SEC63: variants seen among roughly 807,000 people sequenced by gnomAD.
SEC63 encodes the protein translocation protein SEC63 homolog.
Under a neutral mutation model 116.2 loss-of-function variants are expected in SEC63, and 56 were observed. That is an observed-to-expected ratio of 0.48 (90% CI 0.39 to 0.60). The LOEUF is 0.60. Among genes scored for constraint, SEC63 ranks in the 20% least tolerant of loss-of-function variants. The pLI is 0.00. For missense variants in SEC63, 668 were observed against 900.0 expected (o/e 0.74, Z 3.30); for synonymous variants, 273 against 294.6 (o/e 0.93, Z 0.75).
intron 1 of SEC63, among the ~76,000 whole-genome samples, chr6:107,934,914 A>C (rs1360864308): frequency 3.4e-5 from 1 of 29,466 alleles, no homozygotes; most frequent in East Asian, 7.8e-4. Context: ...GCCCCCCGCC[A>C]GGCCAGCCAC....
At chr6:107,897,823 G>T in intron 13 of SEC63, 92 bp from the exon 14 acceptor site, 1 of 832,610 alleles carries the variant, frequency 1.2e-6, no homozygotes, top group Non-Finnish European at 2.1e-6. Context: ...AAATTAGTTT[G>T]GCACTTTAGT....
At chr6:107,906,624 A>T in intron 9 of SEC63, 44 bp from the exon 10 acceptor site, 1 of 1,607,244 alleles carries the variant, frequency 6.2e-7, no homozygotes. Context: ...CTTTTTTTAA[A>T]AAAAGTATTC....
intron 8 of SEC63, among the ~76,000 whole-genome samples, 187 bp from the exon 9 acceptor site, chr6:107,906,964 G>A (rs1787162372): frequency 6.6e-6 from 1 of 152,108 alleles, no homozygotes; most frequent in Non-Finnish European, 1.5e-5. Context: ...TTTTTAAAAT[G>A]TACACAGTAT....
intron 16 of SEC63, among the ~76,000 whole-genome samples, chr6:107,889,775 G>A (rs1173670649): frequency 6.6e-6 from 1 of 152,144 alleles, no homozygotes; most frequent in African/African-American, 2.4e-5. Flanking sequence ...ATTCTGGTAC[G>A]TTATGTCTTT....
intron 4 of SEC63, among the ~76,000 whole-genome samples, chr6:107,914,900 C>T (rs1290134376): frequency 6.6e-6 from 1 of 152,162 alleles, no homozygotes; most frequent in African/African-American, 2.4e-5. Context: ...ATCAGAGACA[C>T]TCTGATTTTG....
At chr6:107,908,848 G>A (rs1397834643) in intron 8 of SEC63, 79 bp downstream of exon 8, 1 of 766,200 alleles carries the variant, frequency 1.3e-6, no homozygotes, top group African/African-American at 1.7e-5. Context: ...CAACAGTATA[G>A]AGTTAAGGAA....
At chr6:107,893,799 T>C (rs984475210) in intron 15 of SEC63, 39 bp downstream of exon 15, 3 of 1,611,344 alleles carry the variant, frequency 1.9e-6, no homozygotes, top group Non-Finnish European at 2.5e-6. Flanking sequence ...AAATATTTCT[T>C]TCACTAGGAA....
chr6:107,904,599 A>G (rs1787099156), intron 11 of SEC63, 30 bp downstream of exon 11: 3 of 1,527,168 alleles, frequency 2.0e-6, no homozygotes, highest in East Asian at 2.2e-5. Flanking sequence ...AAGAAAAAGT[A>G]TAACATAATT....
At position 107,935,944 on chromosome 6, in the gene SEC63, A is replaced by C. The variant is rs187546822; in HGVS notation, c.125-6430T>G. ...AGATGGCGGTAATGTTAATTTTCTG[A>C]TTTTCATGGTTTAGAGAACACTTTT... On this transcript the variant is annotated intron_variant, in intron 1 of 20. Transcript: ENST00000369002. Among the ~76,000 whole-genome samples the C allele has an allele frequency of 4.1e-3, 628 of 152,328 alleles. 3 individuals carry two copies. Among genetic ancestry groups the C allele is most frequent in the African/African-American group, 0.014 (589 of 41,586 alleles).
At chr6:107,914,785 C>T (rs768699145) in intron 4 of SEC63, among the ~76,000 whole-genome samples, 1 of 152,084 alleles carries the variant, frequency 6.6e-6, no homozygotes, top group Non-Finnish European at 1.5e-5. Flanking sequence ...TCCTTCTGCC[C>T]AAAATAACCA....
intron 2 of SEC63, among the ~76,000 whole-genome samples, chr6:107,927,611 A>G (rs1039517180): frequency 2.6e-5 from 4 of 152,180 alleles, no homozygotes; most frequent in African/African-American, 7.2e-5. Flanking sequence ...AAGCTTCATA[A>G]AAGTTTTTTT....
Position 107,958,159 on chromosome 6 carries a change from G to T in SEC63, c.-150C>A. The T allele has an allele frequency of 8.1e-7, 1 of 1,240,176 alleles. No homozygotes were observed. The highest frequency in any genetic ancestry group is 1.1e-6 in the Non-Finnish European group (1 of 882,932). 76.8% of individuals were successfully genotyped at this position (1,240,176 alleles called of 1,614,324 possible). ...GCCCCCACGCCACTCTCACGGACAC[G>T]CCGCCGCCACCTCTGCCGCTGCCGC... On this transcript the variant is annotated 5_prime_UTR_variant, in exon 1 of 21. Transcript: ENST00000369002.
chr6:107,893,105 T>TACACACAC (rs1718127192), intron 16 of SEC63, among the ~76,000 whole-genome samples: 1 of 108,870 alleles, frequency 9.2e-6, no homozygotes, highest in Non-Finnish European at 1.8e-5. Flanking sequence ...AATGAAATAC[T>TACACACAC]ATACACACAC....
intron 1 of SEC63, among the ~76,000 whole-genome samples, chr6:107,951,972 CAA>C (rs796395901): frequency 2.8e-4 from 28 of 100,910 alleles, no homozygotes; most frequent in African/African-American, 3.4e-4. Context: ...GACTCCATCT[CAA>C]AAAAAAAAAA....
chr6:107,894,494 C>A (rs151320407), intron 14 of SEC63, among the ~76,000 whole-genome samples: 38 of 87,142 alleles, frequency 4.4e-4, no homozygotes, highest in Admixed American at 3.8e-3. Flanking sequence ...GGCAACAGAG[C>A]GAGACCCCAT....
intron 18 of SEC63, among the ~76,000 whole-genome samples, chr6:107,877,571 G>GT (rs937754970): frequency 2.6e-4 from 39 of 152,114 alleles, no homozygotes; most frequent in African/African-American, 8.7e-4. Context: ...AGCTTCCCAA[G>GT]TAGCTGAGAC....
At chr6:107,910,640 A>G (rs187600903) in intron 7 of SEC63, among the ~76,000 whole-genome samples, 2 of 152,248 alleles carry the variant, frequency 1.3e-5, no homozygotes, top group Admixed American at 6.5e-5. Flanking sequence ...GCATATATAC[A>G]CATGTCATAC....
intron 1 of SEC63, 143 bp from the exon 2 acceptor site, chr6:107,929,657 AAAACTTACAAG>A (rs1787755294): frequency 1.6e-6 from 1 of 609,846 alleles, no homozygotes; most frequent in Non-Finnish European, 2.9e-6. Flanking sequence ...TAGCCTTTAA[AAAACTTACAAG>A]ATAGGTTAAA....
In SEC63 at chr6:107,904,706, A is replaced by C. The variant is rs1428895596; in HGVS notation, c.977T>G (p.Leu326Arg). The C allele has an allele frequency of 6.2e-7, 1 of 1,612,854 alleles. No homozygotes were observed. Residue 326 changes from leucine to arginine, a missense_variant, in exon 11 of 21, where the codon CTA (leucine) becomes CGA (arginine). Transcript: ENST00000369002. ...ETLEEDQQFM[L>R]KKCPALLQEM... ...TTGAAGTAGGGCAGGACACTTTTTT[A>C]GCATGAATTGCTGATCTGCAAAACA...
Sources: gnomAD v4.1 joint callset for allele counts (sites outside exome capture counted in the v4.1 genomes callset) on GRCh38, gnomAD v4.1.1 for gene constraint, MANE v1.5 for transcripts, NCBI Gene and HGNC (gene_info 2026-07-23, HGNC 2026-07-21) for gene names.